Variants in PARD3B observed in about 807,000 individuals in gnomAD.
PARD3B encodes par-3 family cell polarity regulator beta, also known as partitioning defective 3 homolog B.
In PARD3B, 103 loss-of-function variants were observed where a neutral mutation model predicts 130.2. The observed-to-expected ratio is 0.79, with a 90% CI of 0.67 to 0.93. PARD3B has a LOEUF of 0.93. Ranked by LOEUF, PARD3B falls within the 40% of genes least tolerant of loss-of-function variation. PARD3B has a pLI of 0.00. For missense variants in PARD3B, 1,609 were observed against 1,499.2 expected, an observed-to-expected ratio of 1.07 and a Z score of -1.21; for synonymous variants, 583 against 553.2, an observed-to-expected ratio of 1.05 and a Z score of -0.76.
intron 21 of PARD3B, among the ~76,000 whole-genome samples, chr2:205,519,225 A>T (rs963073041): frequency 6.6e-6 from 1 of 152,106 alleles, no homozygotes; most frequent in Admixed American, 6.5e-5. Flanking sequence ...GGGATAACTG[A>T]TTTGGTCTCT....
At chr2:205,523,896 ATAT>A (rs535063975) in intron 21 of PARD3B, among the ~76,000 whole-genome samples, 3 of 150,800 alleles carry the variant, frequency 2.0e-5, no homozygotes, top group East Asian at 3.9e-4. Context: ...TCTGATGATA[ATAT>A]TCTTTATATA....
At chr2:205,016,812 A>G (rs535346593) in intron 3 of PARD3B, among the ~76,000 whole-genome samples, 38 of 152,310 alleles carry the variant, frequency 2.5e-4, no homozygotes, top group African/African-American at 6.7e-4. Context: ...CTGATTCTCA[A>G]TTCTTAGCCT....
intron 2 of PARD3B, among the ~76,000 whole-genome samples, chr2:204,880,772 A>G (rs903884775): frequency 2.6e-5 from 4 of 152,004 alleles, no homozygotes; most frequent in African/African-American, 9.7e-5. Context: ...TGGACAGGAT[A>G]TCTGGTCTAA....
In PARD3B at chr2:205,618,701, G is replaced by A. The variant is rs1575500389; in HGVS notation, c.*2888G>A. ...ATTTTTCTCCCTTTTTGCAGGAGTA[G>A]AGAGATGAAAGAGGACAGACCATTG... On this transcript the variant is annotated 3_prime_UTR_variant, in exon 23 of 23. Coordinates refer to ENST00000406610, the MANE Select transcript of PARD3B (RefSeq NM_001302769.2). 6.6e-6 allele frequency: 1 copy of A among 152,170 alleles called. No homozygotes were observed. Among genetic ancestry groups the A allele is most frequent in the Admixed American group, 6.5e-5 (1 of 15,274 alleles). 9.4% of individuals were successfully genotyped at this position (152,170 alleles called of 1,614,324 possible).
intron 1 of PARD3B, among the ~76,000 whole-genome samples, chr2:204,588,822 C>T (rs953301761): frequency 6.6e-6 from 1 of 152,100 alleles, no homozygotes; most frequent in Admixed American, 6.6e-5. Flanking sequence ...AGTTCCCGTT[C>T]AATGCAGAAG....
chr2:205,200,754 GTT>G, intron 15 of PARD3B, among the ~76,000 whole-genome samples: 1 of 152,294 alleles, frequency 6.6e-6, no homozygotes, highest in South Asian at 2.1e-4. Flanking sequence ...AAATAGAAAT[GTT>G]TTTTCCTAAA....
intron 18 of PARD3B, among the ~76,000 whole-genome samples, chr2:205,342,566 A>T (rs776461775): frequency 6.6e-6 from 1 of 152,180 alleles, no homozygotes. Context: ...CAAGACTCCA[A>T]ATAGGAGCAA....
At chr2:204,831,005 A>G (rs1034450221) in intron 2 of PARD3B, among the ~76,000 whole-genome samples, 1 of 152,210 alleles carries the variant, frequency 6.6e-6, no homozygotes, top group Non-Finnish European at 1.5e-5. Flanking sequence ...ATCTCCTTTT[A>G]TTATCTAAAT....
At chr2:204,983,779 G>A (rs1692890275) in intron 3 of PARD3B, among the ~76,000 whole-genome samples, 1 of 152,154 alleles carries the variant, frequency 6.6e-6, no homozygotes, top group East Asian at 1.9e-4. Flanking sequence ...TATAGACATT[G>A]TAAAATAACT....
intron 3 of PARD3B, among the ~76,000 whole-genome samples, chr2:205,008,139 A>G (rs904474097): frequency 6.6e-6 from 1 of 152,098 alleles, no homozygotes; most frequent in Admixed American, 6.6e-5. Flanking sequence ...TTTTTAAGGG[A>G]TGAGATTTGG....
In PARD3B at chr2:205,440,299, C is replaced by G. The variant is rs562792105; in HGVS notation, c.2742-71C>G. On this transcript the variant is annotated intron_variant, in intron 19 of 22. Transcript: ENST00000406610. The surrounding 1 kb of genome is among the most constrained non-coding windows in gnomAD (Gnocchi z 4.2). ...AGACGAGGAAGAGTTAACATAAATT[C>G]AAGAGAGTATTTCATTGTATTATTA... The G allele has an allele frequency of 2.1e-6, 3 of 1,440,344 alleles. No individual in the cohort carries two copies. In the Admixed American group the frequency reaches 5.5e-5, roughly 26 times the overall value. The allele number at this position is 1,440,344 out of a possible 1,614,324, so 89.2% of individuals were successfully genotyped here.
At chr2:205,061,838 A>T (rs897011658) in intron 4 of PARD3B, among the ~76,000 whole-genome samples, 4 of 151,990 alleles carry the variant, frequency 2.6e-5, no homozygotes, top group African/African-American at 9.7e-5. Flanking sequence ...TCTTAAGGCA[A>T]TATTGGAACT....
intron 2 of PARD3B, among the ~76,000 whole-genome samples, chr2:204,785,683 G>C (rs1412326445): frequency 1.3e-5 from 2 of 152,186 alleles, no homozygotes; most frequent in Non-Finnish European, 2.9e-5. Flanking sequence ...CTTGGGCCCA[G>C]TGCCCGACAT....
intron 2 of PARD3B, among the ~76,000 whole-genome samples, chr2:204,918,953 A>C (rs1465500086): frequency 1.3e-5 from 2 of 151,972 alleles, no homozygotes; most frequent in African/African-American, 4.8e-5. Flanking sequence ...TTTAAAACTA[A>C]CACTCAATAC....
At chr2:205,080,497 A>T (rs1379312756) in intron 4 of PARD3B, among the ~76,000 whole-genome samples, 2 of 152,140 alleles carry the variant, frequency 1.3e-5, no homozygotes, top group Non-Finnish European at 2.9e-5. Flanking sequence ...TCCTTATATT[A>T]ACTTTTCCTT....
intron 1 of PARD3B, among the ~76,000 whole-genome samples, chr2:204,621,392 A>G (rs1388882357): frequency 7.2e-5 from 11 of 152,124 alleles, no homozygotes; most frequent in Admixed American, 6.5e-4. Flanking sequence ...CTTGAACGCT[A>G]TGCTTTAATA....
intron 1 of PARD3B, among the ~76,000 whole-genome samples, chr2:204,555,584 A>G (rs1391028252): frequency 1.3e-5 from 2 of 152,146 alleles, no homozygotes; most frequent in Non-Finnish European, 2.9e-5. Context: ...CATGAGTATG[A>G]GTATATGCTG....
chr2:205,225,417 G>A (rs1229339442), intron 15 of PARD3B, among the ~76,000 whole-genome samples: 2 of 152,042 alleles, frequency 1.3e-5, no homozygotes, highest in African/African-American at 4.8e-5. Flanking sequence ...AGAAATATCT[G>A]TGCAGATATT....
intron 1 of PARD3B, among the ~76,000 whole-genome samples, chr2:204,681,832 A>T (rs192553477): frequency 7.5e-4 from 114 of 152,230 alleles, no homozygotes; most frequent in African/African-American, 2.6e-3. Flanking sequence ...ATTATTATAA[A>T]AGTAATTAAG....
Sources: gnomAD v4.1 joint callset for allele counts (sites outside exome capture counted in the v4.1 genomes callset) on GRCh38, gnomAD v4.1.1 for gene constraint, Gnocchi (gnomAD v3.1) non-coding constraint, MANE v1.5 for transcripts, NCBI Gene and HGNC (gene_info 2026-07-23, HGNC 2026-07-21) for gene names.